RBFOX1: variants seen among roughly 807,000 people sequenced by gnomAD.
RBFOX1 encodes RNA binding fox-1 homolog 1.
RBFOX1 carries 8 observed loss-of-function variants against 57.7 expected under a neutral mutation model. The observed-to-expected ratio is 0.14, with a 90% CI of 0.08 to 0.25. RBFOX1 has a LOEUF of 0.25. RBFOX1 is among the 10% of genes least tolerant of loss of function. The pLI is 1.00. For synonymous variants in RBFOX1, 326 were observed against 222.4 expected, an observed-to-expected ratio of 1.47 and a Z score of -4.15; for missense variants, 611 against 548.5, an observed-to-expected ratio of 1.11 and a Z score of -1.14.
At chr16:6,606,620 G>C (rs979287374) in intron 2 of RBFOX1, among the ~76,000 whole-genome samples, 2 of 152,046 alleles carry the variant, frequency 1.3e-5, no homozygotes, top group Non-Finnish European at 2.9e-5. Context: ...TGTGGTGTTT[G>C]GTTTTCTGTG....
chr16:6,322,426 C>G (rs1044041224), intron 2 of RBFOX1, among the ~76,000 whole-genome samples: 1 of 152,210 alleles, frequency 6.6e-6, no homozygotes, highest in Non-Finnish European at 1.5e-5. Context: ...ACTTGCTACA[C>G]TTGGTCTCAC....
chr16:6,832,041 C>T (rs756478929), intron 3 of RBFOX1, among the ~76,000 whole-genome samples: 1 of 152,180 alleles, frequency 6.6e-6, no homozygotes, highest in Non-Finnish European at 1.5e-5. Flanking sequence ...TGACAGCCTG[C>T]ACTTAAGAAT....
intron 4 of RBFOX1, among the ~76,000 whole-genome samples, chr16:7,323,156 G>A (rs2096567555): frequency 6.6e-6 from 1 of 152,196 alleles, no homozygotes; most frequent in African/African-American, 2.4e-5. Flanking sequence ...TGGGCACATG[G>A]CTCATGCCTG....
intron 3 of RBFOX1, among the ~76,000 whole-genome samples, chr16:6,948,156 G>T (rs1031562910): frequency 6.6e-6 from 1 of 152,012 alleles, no homozygotes; most frequent in Admixed American, 6.6e-5. Flanking sequence ...TTTCAGCCAG[G>T]CATGGTGGCT....
At chr16:5,768,841 T>C (rs1305457870) in intron 3 of RBFOX1, among the ~76,000 whole-genome samples, 1 of 152,052 alleles carries the variant, frequency 6.6e-6, no homozygotes, top group Non-Finnish European at 1.5e-5. Context: ...CCAGAGAAGA[T>C]GCTCGACTAC....
chr16:5,918,603 A>T (rs1238448701), intron 4 of RBFOX1, among the ~76,000 whole-genome samples: 15 of 152,246 alleles, frequency 9.9e-5, no homozygotes, highest in Admixed American at 9.8e-4. Context: ...TGGATGAATG[A>T]TTAAAACCCC....
intron 14 of RBFOX1, among the ~76,000 whole-genome samples, chr16:7,694,740 A>G (rs1351429715): frequency 6.6e-6 from 1 of 152,176 alleles, no homozygotes; most frequent in Admixed American, 6.5e-5. Context: ...CTGCAATACA[A>G]AAGTTGTTTA....
chr16:6,798,131 G>A (rs1030116252), intron 3 of RBFOX1, among the ~76,000 whole-genome samples: 2 of 151,992 alleles, frequency 1.3e-5, no homozygotes, highest in African/African-American at 4.8e-5. Flanking sequence ...TAATAAATAG[G>A]TCTCATTGTG....
intron 3 of RBFOX1, among the ~76,000 whole-genome samples, chr16:5,678,937 G>A (rs374510379): frequency 5.3e-5 from 8 of 152,294 alleles, no homozygotes; most frequent in South Asian, 2.1e-4. Flanking sequence ...ATGGTAATGC[G>A]GAGGATGTAG....
At chr16:5,961,382 C>T (rs897470185) in intron 4 of RBFOX1, among the ~76,000 whole-genome samples, 1 of 152,044 alleles carries the variant, frequency 6.6e-6, no homozygotes, top group African/African-American at 2.4e-5. Context: ...ATAGCAAAGC[C>T]AGAACCTAAA....
At chr16:7,565,301 T>A (rs1049373497) in intron 5 of RBFOX1, among the ~76,000 whole-genome samples, 2 of 152,186 alleles carry the variant, frequency 1.3e-5, no homozygotes, top group Non-Finnish European at 2.9e-5. Context: ...TTGGATTCTT[T>A]GTACACATTC....
At chr16:7,555,371 G>C (rs530697874) in intron 5 of RBFOX1, among the ~76,000 whole-genome samples, 1 of 152,250 alleles carries the variant, frequency 6.6e-6, no homozygotes, top group East Asian at 1.9e-4. Flanking sequence ...TAAAATCCAT[G>C]GTTTAGTTAA....
intron 1 of RBFOX1, among the ~76,000 whole-genome samples, chr16:5,457,945 C>G (rs1244146455): frequency 6.6e-6 from 1 of 152,100 alleles, no homozygotes; most frequent in Non-Finnish European, 1.5e-5. Context: ...CTTGGCCAAG[C>G]CCACTCACAA....
At chr16:5,247,986 T>G (rs1567232377) in intron 1 of RBFOX1, among the ~76,000 whole-genome samples, 1 of 152,094 alleles carries the variant, frequency 6.6e-6, no homozygotes. Context: ...GCTTTTCGAT[T>G]TTTGTATGGG....
chr16:5,523,089 T>A (rs1267556681), intron 2 of RBFOX1, among the ~76,000 whole-genome samples: 3 of 152,068 alleles, frequency 2.0e-5, no homozygotes, highest in African/African-American at 7.2e-5. Context: ...AGTTCGAGAC[T>A]AGCCTGGCCA....
intron 3 of RBFOX1, among the ~76,000 whole-genome samples, chr16:7,029,808 A>T (rs902100388): frequency 6.6e-6 from 1 of 152,188 alleles, no homozygotes; most frequent in Non-Finnish European, 1.5e-5. Context: ...TCTGGACATT[A>T]TGAAAAGCAT....
At chr16:7,120,380 C>T (rs1002733870) in intron 4 of RBFOX1, among the ~76,000 whole-genome samples, 2 of 151,988 alleles carry the variant, frequency 1.3e-5, no homozygotes, top group South Asian at 4.2e-4. Flanking sequence ...AGCAATCAAA[C>T]CTAAATCTGG....
intron 11 of RBFOX1, among the ~76,000 whole-genome samples, chr16:7,641,820 G>C (rs562061131): frequency 2.0e-5 from 3 of 152,154 alleles, no homozygotes; most frequent in Non-Finnish European, 4.4e-5. Context: ...CATGTAAATA[G>C]CCATGACTAC....
chr16:5,687,246 G>T (rs1189421826), intron 3 of RBFOX1, among the ~76,000 whole-genome samples: 1 of 152,170 alleles, frequency 6.6e-6, no homozygotes, highest in Admixed American at 6.5e-5. Flanking sequence ...AACAGTAGGA[G>T]GAAAACCCAA....
Sources: gnomAD v4.1 joint callset for allele counts (sites outside exome capture counted in the v4.1 genomes callset) on GRCh38, gnomAD v4.1.1 for gene constraint, MANE v1.5 for transcripts, NCBI Gene and HGNC (gene_info 2026-07-23, HGNC 2026-07-21) for gene names.